The following AGAP1 variants were observed in gnomAD, a reference collection of about 807,000 sequenced individuals.
AGAP1 encodes arf-GAP with GTPase, ANK repeat and PH domain-containing protein 1.
AGAP1 carries 29 observed loss-of-function variants against 105.3 expected under a neutral mutation model. The observed-to-expected ratio is 0.28, with a 90% CI of 0.21 to 0.38. The LOEUF is 0.38. Ranked by LOEUF, AGAP1 falls within the 10% of genes least tolerant of loss-of-function variation. The probability of loss-of-function intolerance (pLI) is 1.00; values close to 1 mark genes in which losing one functional copy is unlikely to be tolerated. For synonymous variants in AGAP1, 509 were observed against 485.9 expected, an observed-to-expected ratio of 1.05 and a Z score of -0.63; for missense variants, 998 against 1,165.1, an observed-to-expected ratio of 0.86 and a Z score of 2.09.
intron 16 of AGAP1, among the ~76,000 whole-genome samples, chr2:236,081,995 A>G (rs1300140876): frequency 6.6e-6 from 1 of 152,208 alleles, no homozygotes; most frequent in East Asian, 1.9e-4. Flanking sequence ...TAGAGACAGG[A>G]AATATAGCAC....
intron 1 of AGAP1, among the ~76,000 whole-genome samples, chr2:235,531,374 A>C (rs991510132): frequency 1.3e-5 from 2 of 151,644 alleles, no homozygotes; most frequent in East Asian, 3.9e-4. Flanking sequence ...CTCCCCCTCA[A>C]CTGTAGTGTT....
rs1000086071 is a variant in AGAP1, at chr2:235,664,228, C to T, written c.164-44951C>T. ...TAGTTTGTTTTTTTGTTTTTTTTTT[C>T]GAGACGGAGTTTCACTATTGTTGCC... On this transcript the variant is annotated intron_variant, in intron 1 of 17. Coordinates refer to ENST00000304032, the MANE Select transcript of AGAP1 (RefSeq NM_001037131.3). The surrounding 1 kb of genome is among the most constrained non-coding windows in gnomAD (Gnocchi z 5.7). Among the ~76,000 whole-genome samples the T allele has an allele frequency of 6.8e-5, 10 of 148,076 alleles. No homozygotes were observed. Among genetic ancestry groups the T allele is most frequent in the South Asian group, 2.2e-4 (1 of 4,650 alleles).
chr2:235,753,562 C>T lies in AGAP1; in HGVS notation c.673+3074C>T, dbSNP rs529295889. Among the ~76,000 whole-genome samples, 11 of 151,988 alleles carry T rather than the reference C, an allele frequency of 7.2e-5. No homozygotes were observed. Among genetic ancestry groups the T allele is most frequent in the Admixed American group, 1.3e-4 (2 of 15,258 alleles). On this transcript the variant is annotated intron_variant, in intron 6 of 17. Coordinates refer to ENST00000304032, the MANE Select transcript of AGAP1 (RefSeq NM_001037131.3). This position sits in a 1 kb window ranked among gnomAD's most constrained non-coding sequence, Gnocchi z 4.5. ...TCTACTAAAATTGCAAAAAATTAGC[C>T]GGGCATGGTGGCAGGCACCTGTAAT... is the stretch of plus-strand genomic sequence containing the variant.
intron 9 of AGAP1, among the ~76,000 whole-genome samples, chr2:235,812,387 T>A (rs1219144455): frequency 2.0e-5 from 3 of 152,178 alleles, no homozygotes; most frequent in African/African-American, 7.2e-5. Flanking sequence ...TGATTCTCAG[T>A]TGAGTAGAAA....
At chr2:235,772,697 A>C (rs964005440) in intron 6 of AGAP1, among the ~76,000 whole-genome samples, 4 of 152,242 alleles carry the variant, frequency 2.6e-5, no homozygotes, top group Non-Finnish European at 5.9e-5. Context: ...GGTGACACTG[A>C]ACACAAGGCA....
At chr2:235,652,682 G>A (rs776941538) in intron 1 of AGAP1, among the ~76,000 whole-genome samples, 7 of 152,028 alleles carry the variant, frequency 4.6e-5, no homozygotes, top group African/African-American at 1.2e-4. Flanking sequence ...ACGTGAGGTC[G>A]GGAGTTCAAG....
intron 3 of AGAP1, among the ~76,000 whole-genome samples, chr2:235,727,720 C>T (rs1951718135): frequency 6.6e-6 from 1 of 152,188 alleles, no homozygotes; most frequent in Non-Finnish European, 1.5e-5. Flanking sequence ...CCTGTTTTAT[C>T]GGTGTCAGGA....
Position 235,804,450 on chromosome 2 carries a change from A to G in AGAP1, c.958-2789A>G, listed in dbSNP as rs181705234. Among the ~76,000 whole-genome samples the G allele has an allele frequency of 3.7e-4, 56 of 152,322 alleles. 1 individual carries two copies. Among genetic ancestry groups the G allele is most frequent in the Admixed American group, 2.2e-3 (34 of 15,302 alleles). On this transcript the variant is annotated intron_variant, in intron 8 of 17. Coordinates refer to ENST00000304032, the MANE Select transcript of AGAP1 (RefSeq NM_001037131.3). ...TCATAGTGCGAAGAGAACTGTTTCA[A>G]TGGCATTTATTTGTTTTTGCAGAGG...
chr2:235,843,379 C>T lies in AGAP1; in HGVS notation c.1050+36048C>T, dbSNP rs1483687003. On this transcript the variant is annotated intron_variant, in intron 9 of 17. Coordinates refer to ENST00000304032, the MANE Select transcript of AGAP1 (RefSeq NM_001037131.3). The surrounding 1 kb of genome is among the most constrained non-coding windows in gnomAD (Gnocchi z 5.9). ...TCTCTTCCTTTCTTTGAGTTCATTTCAGAATTCCTCCTCGGTGTCTGCTTA... is the reference window on the plus strand; with the variant it reads ...TCTCTTCCTTTCTTTGAGTTCATTTTAGAATTCCTCCTCGGTGTCTGCTTA... Among the ~76,000 whole-genome samples the T allele has an allele frequency of 1.3e-5, 2 of 152,126 alleles. No individual in the cohort carries two copies. The highest frequency in any genetic ancestry group is 4.8e-5 in the African/African-American group (2 of 41,430).
At chr2:235,718,926 G>A (rs980190619) in intron 3 of AGAP1, among the ~76,000 whole-genome samples, 3 of 152,158 alleles carry the variant, frequency 2.0e-5, no homozygotes, top group South Asian at 2.1e-4. Flanking sequence ...GGGTTTTGAC[G>A]GCTTTTATTT....
At chr2:235,786,837 T>C (rs370243140) in intron 6 of AGAP1, among the ~76,000 whole-genome samples, 26 of 152,318 alleles carry the variant, frequency 1.7e-4, no homozygotes, top group African/African-American at 6.0e-4. Context: ...CATTTGTTTA[T>C]AGGGTTCAGG....
rs563277928 is a variant in AGAP1 at position 236,095,032 on chromosome 2, C to T, written c.2115-25160C>T. ...GAGGATCACTTGAGCCCGGGAGGTC[C>T]AGGCTGCAGTGAGCCCTGATCAAGC... is the stretch of plus-strand genomic sequence containing the variant. On this transcript the variant is annotated intron_variant, in intron 16 of 17. Transcript: ENST00000304032. The surrounding 1 kb of genome is among the most constrained non-coding windows in gnomAD (Gnocchi z 4.1). 6.7e-6 allele frequency among the ~76,000 whole-genome samples: 1 copy of T among 149,428 alleles called. No homozygotes were observed. Among genetic ancestry groups the T allele is most frequent in the South Asian group, 2.1e-4 (1 of 4,670 alleles).
chr2:235,980,285 G>A (rs1457826831), intron 13 of AGAP1, among the ~76,000 whole-genome samples: 1 of 152,214 alleles, frequency 6.6e-6, no homozygotes, highest in Non-Finnish European at 1.5e-5. Context: ...GCAGCCAGGG[G>A]TTTGAAGTGC....
chr2:235,804,528 G>A (rs935026978), intron 8 of AGAP1, among the ~76,000 whole-genome samples: 1 of 152,200 alleles, frequency 6.6e-6, no homozygotes, highest in Non-Finnish European at 1.5e-5. Flanking sequence ...CTTAGCCACT[G>A]GTTGAAAGGG....
Position 235,723,795 on chromosome 2 carries a change from T to C in AGAP1, c.310+6151T>C, listed in dbSNP as rs1182799671. Among the ~76,000 whole-genome samples, 8 of 151,126 alleles carry C rather than the reference T, an allele frequency of 5.3e-5. No homozygotes were observed. The highest frequency in any genetic ancestry group is 2.1e-4 in the South Asian group (1 of 4,752). On this transcript the variant is annotated intron_variant, in intron 3 of 17. Transcript: ENST00000304032. The surrounding 1 kb of genome is among the most constrained non-coding windows in gnomAD (Gnocchi z 6.2). ...GTTGGTTGGTTGGTTGGTTGGTTGG[T>C]TGGTTGGTCGATCGACAGAGACTTA... is the stretch of plus-strand genomic sequence containing the variant.
chr2:235,737,294 A>G lies in AGAP1; in HGVS notation c.311-3669A>G, dbSNP rs1952309784. On this transcript the variant is annotated intron_variant, in intron 3 of 17. Coordinates refer to ENST00000304032, the MANE Select transcript of AGAP1 (RefSeq NM_001037131.3). This position sits in a 1 kb window ranked among gnomAD's most constrained non-coding sequence, Gnocchi z 4.5. ...TGTAATACGAAAAAAAATCATGCAA[A>G]TCAATTACCAGTATCTGGTGTTTGA... is the stretch of plus-strand genomic sequence containing the variant. Among the ~76,000 whole-genome samples the G allele has an allele frequency of 6.6e-6, 1 of 152,234 alleles. No individual in the cohort carries two copies. The highest frequency in any genetic ancestry group is 6.5e-5 in the Admixed American group (1 of 15,282).
rs554531680 is a variant in AGAP1, at chr2:235,779,238, A to G, written c.674-18521A>G. On this transcript the variant is annotated intron_variant, in intron 6 of 17. Coordinates refer to ENST00000304032, the MANE Select transcript of AGAP1 (RefSeq NM_001037131.3). ...TCCTTGTAGACACATCAGTGGATTCAGGTGACTTGTGTTATTTTTAAAATA... is the reference window on the plus strand; with the variant it reads ...TCCTTGTAGACACATCAGTGGATTCGGGTGACTTGTGTTATTTTTAAAATA... 9.2e-5 allele frequency among the ~76,000 whole-genome samples: 14 copies of G among 152,340 alleles called. No individual in the cohort carries two copies. The South Asian group carries it at 2.9e-3, about 32-fold the overall frequency.
rs1387106568 is a variant in AGAP1, at chr2:235,733,796, G to A, written c.311-7167G>A. Among the ~76,000 whole-genome samples, 1 of 151,838 alleles carries A rather than the reference G, an allele frequency of 6.6e-6. No homozygotes were observed. The highest frequency in any genetic ancestry group is 1.9e-4 in the East Asian group (1 of 5,160). ...ACATGCAGGGTCCTCACTCACTGCT[G>A]GTACCTTTGTGTAGTAGTTACTTTG... On this transcript the variant is annotated intron_variant, in intron 3 of 17. Coordinates refer to ENST00000304032, the MANE Select transcript of AGAP1 (RefSeq NM_001037131.3). The surrounding 1 kb of genome is among the most constrained non-coding windows in gnomAD (Gnocchi z 5.0).
rs994185631 is a variant in AGAP1, at chr2:235,865,701, C to T, written c.1051-17644C>T. ...CGGGAAATATTACTATTTTAAAAAG[C>T]TCAGTTAAGGGGGGATTCCTGCTGT... is the stretch of plus-strand genomic sequence containing the variant. On this transcript the variant is annotated intron_variant, in intron 9 of 17. Transcript: ENST00000304032. This position sits in a 1 kb window ranked among gnomAD's most constrained non-coding sequence, Gnocchi z 6.2. Among the ~76,000 whole-genome samples, 5 of 152,108 alleles carry T rather than the reference C, an allele frequency of 3.3e-5. No individual in the cohort carries two copies. The highest frequency in any genetic ancestry group is 2.6e-4 in the Admixed American group (4 of 15,278).
Sources: allele counts gnomAD v4.1 joint callset (sites outside exome capture counted in the v4.1 genomes callset), GRCh38; gene constraint gnomAD v4.1.1; non-coding constraint Gnocchi (gnomAD v3.1); transcripts MANE v1.5; gene names NCBI Gene and HGNC (gene_info 2026-07-23, HGNC 2026-07-21).